The following TSBP1 variants were observed in gnomAD, a reference collection of about 807,000 sequenced individuals.
TSBP1 encodes the protein testis-expressed basic protein 1.
In TSBP1, 56 loss-of-function variants were observed where a neutral mutation model predicts 68.8. That is an observed-to-expected ratio of 0.81 (90% confidence interval 0.66 to 1.02). The LOEUF is 1.02. Ranked by LOEUF, TSBP1 falls within the 50% of genes least tolerant of loss-of-function variation. The pLI, the probability that TSBP1 is intolerant of heterozygous loss-of-function variation, is 0.00. For synonymous variants in TSBP1, 171 were observed against 208.7 expected (o/e 0.82, Z 1.56); for missense variants, 502 against 641.2 (o/e 0.78, Z 2.34).
intron 19 of TSBP1, among the ~76,000 whole-genome samples, chr6:32,303,615 TG>T (rs1765518216): frequency 6.6e-6 from 1 of 152,160 alleles, no homozygotes; most frequent in Non-Finnish European, 1.5e-5. Context: ...TAATGTACTC[TG>T]GTAATCTTTT....
At position 32,357,918 on chromosome 6, in the gene TSBP1, G is replaced by A. The variant is rs1456042233; in HGVS notation, c.218-2249C>T. 6.6e-6 allele frequency among the ~76,000 whole-genome samples: 1 copy of A among 152,130 alleles called. No individual in the cohort carries two copies. Among genetic ancestry groups the A allele is most frequent in the Non-Finnish European group, 1.5e-5 (1 of 68,028 alleles). On this transcript the variant is annotated intron_variant, in intron 6 of 22. Transcript: ENST00000612031. The surrounding 1 kb of genome is among the most constrained non-coding windows in gnomAD (Gnocchi z 4.7). ...TGGCTCACTGCACAAAGGGTTAAGG[G>A]AACTGAAATCCCCAGCAGTGTCTCT...
chr6:32,323,863 T>C, intron 16 of TSBP1: 2 of 536,030 alleles, frequency 3.7e-6, no homozygotes, highest in Non-Finnish European at 6.7e-6. Flanking sequence ...ATCTTAGCTG[T>C]ACCAGGGAAA....
intron 18 of TSBP1, among the ~76,000 whole-genome samples, chr6:32,317,133 C>T (rs9268221): frequency 6.6e-6 from 1 of 151,836 alleles, no homozygotes; most frequent in Non-Finnish European, 1.5e-5. Flanking sequence ...CAACAGAATA[C>T]AGAGCCCAGA....
At position 32,325,127 on chromosome 6, in the gene TSBP1, G is replaced by A. The variant is rs2127591990; in HGVS notation, c.515-1513C>T. 2.1e-6 allele frequency: 1 copy of A among 474,380 alleles called. No homozygotes were observed. The highest frequency in any genetic ancestry group is 3.1e-5 in the East Asian group (1 of 31,878). The allele number at this position is 474,380 out of a possible 1,614,324, so 29.4% of individuals were successfully genotyped here. ...TTATTTTTTATGCGAGTCAGTGAAT[G>A]TTCTAGAAACTTATTAATAATTTAT... On this transcript the variant is annotated intron_variant, in intron 16 of 22. Transcript: ENST00000612031. The surrounding 1 kb of genome is among the most constrained non-coding windows in gnomAD (Gnocchi z 4.4).
chr6:32,363,124 C>A (rs960760896), intron 6 of TSBP1, among the ~76,000 whole-genome samples: 1 of 151,944 alleles, frequency 6.6e-6, no homozygotes, highest in African/African-American at 2.4e-5. Context: ...ATAGTGAGCT[C>A]CTTTGTCTCT....
chr6:32,367,692 A>C (rs1022210972), intron 4 of TSBP1, among the ~76,000 whole-genome samples: 4 of 152,238 alleles, frequency 2.6e-5, no homozygotes, highest in African/African-American at 4.8e-5. Flanking sequence ...TCTTGGAAGT[A>C]GACAGAAGAT....
At chr6:32,327,654 C>CTTTCTTTCTTT (rs1768375720) in intron 16 of TSBP1, among the ~76,000 whole-genome samples, 1 of 146,994 alleles carries the variant, frequency 6.8e-6, no homozygotes, top group South Asian at 2.1e-4. Context: ...TTTTCTTTTT[C>CTTTCTTTCTTT]TTTTTTTTTT....
rs191383213 is a variant in TSBP1, at chr6:32,339,449, T to C, written c.388+151A>G. On this transcript the variant is annotated intron_variant, in intron 10 of 22. Coordinates refer to ENST00000612031, the Ensembl canonical transcript of TSBP1. Reference sequence around the variant, plus strand: ...ATCTTTATGTGCTTTCTCACCACCTTCCCCATTCCTCTGGTAGCAGGCACA... The same window carrying C: ...ATCTTTATGTGCTTTCTCACCACCTCCCCCATTCCTCTGGTAGCAGGCACA... The C allele has an allele frequency of 6.6e-4, 487 of 733,822 alleles. 1 individual carries two copies. The African/African-American group carries it at 6.8e-3, about 10-fold the overall frequency. 45.5% of individuals were successfully genotyped at this position (733,822 alleles called of 1,614,324 possible). A position where few individuals can be genotyped will look rare whatever the true frequency, so the allele number is the denominator to read the frequency against.
chr6:32,360,883 C>CT (rs35899943), intron 6 of TSBP1, among the ~76,000 whole-genome samples: 70,769 of 150,260 alleles, frequency 0.47, 17,940 homozygotes, highest in Middle Eastern at 0.59. Context: ...TTCTCTCTCT[C>CT]TTTTTTTTTA....
chr6:32,352,171 A>C (rs1771787499), intron 8 of TSBP1, among the ~76,000 whole-genome samples: 1 of 152,002 alleles, frequency 6.6e-6, no homozygotes, highest in African/African-American at 2.4e-5. Context: ...GTAGCAAATA[A>C]TGTTAAGCAA....
intron 16 of TSBP1, 64 bp downstream of exon 17, chr6:32,330,525 A>G: frequency 6.8e-7 from 1 of 1,474,956 alleles, no homozygotes; most frequent in East Asian, 2.3e-5. Context: ...GACAGGGAAC[A>G]GGCCCTCTAG....
chr6:32,352,408 T>C (rs892826849), intron 8 of TSBP1, among the ~76,000 whole-genome samples: 28 of 151,716 alleles, frequency 1.8e-4, no homozygotes, highest in Admixed American at 1.7e-3. Context: ...AATATCAGGA[T>C]ACATAAAACA....
chr6:32,311,580 T>C (rs561748966), intron 19 of TSBP1, among the ~76,000 whole-genome samples: 1 of 152,304 alleles, frequency 6.6e-6, no homozygotes, highest in South Asian at 2.1e-4. Context: ...CTTGACATGA[T>C]GGCCAAATTA....
chr6:32,358,335 G>A (rs1375372616), intron 6 of TSBP1, among the ~76,000 whole-genome samples: 1 of 152,122 alleles, frequency 6.6e-6, no homozygotes, highest in Non-Finnish European at 1.5e-5. Context: ...GACAACAGCA[G>A]TATTTCTTTG....
chr6:32,297,352 A>G (rs1764821283), intron 22 of TSBP1, among the ~76,000 whole-genome samples: 1 of 152,236 alleles, frequency 6.6e-6, no homozygotes, highest in Non-Finnish European at 1.5e-5. Flanking sequence ...TCATCATAAT[A>G]TATTCAAGCT....
At position 32,293,284 on chromosome 6, in the gene TSBP1, C is replaced by T. The variant is rs1347458626; in HGVS notation, c.1389G>A (p.Val463=). The T allele has an allele frequency of 3.7e-6, 6 of 1,611,224 alleles. No individual in the cohort carries two copies. In the Admixed American group the frequency reaches 6.7e-5, roughly 18 times the overall value. ...GGGATTCCAGTGTTTCTGGTACACT[C>T]ACCTCAGTGTTCTTTACTTGGGATT... The change falls in exon 23 of 23, where the codon GTG becomes GTA. Residue 463 remains valine, a synonymous_variant. Coordinates refer to ENST00000612031, the Ensembl canonical transcript of TSBP1.
chr6:32,332,918 T>C (rs1208569769), intron 14 of TSBP1, among the ~76,000 whole-genome samples: 1 of 152,078 alleles, frequency 6.6e-6, no homozygotes, highest in African/African-American at 2.4e-5. Context: ...GCCAAAACCT[T>C]CAGTTTTTAA....
Position 32,368,802 on chromosome 6 carries a change from GA to G in TSBP1, c.112del (p.Ser38ProfsTer49), listed in dbSNP as rs1180587541. 1 of 1,588,324 alleles carries G rather than the reference GA, an allele frequency of 6.3e-7. No homozygotes were observed. Among genetic ancestry groups the G allele is most frequent in the African/African-American group, 1.3e-5 (1 of 74,656 alleles). ...CTTACTTTGTTCTGAACTGTATCTG[GA>G]GATATACATTTCTGTGGAAGAATTA... is the stretch of plus-strand genomic sequence containing the variant. On this transcript the variant is annotated frameshift_variant, in exon 3 of 23. Coordinates refer to ENST00000612031, the Ensembl canonical transcript of TSBP1. LOFTEE classifies it high-confidence loss of function.
exon 10 of TSBP1, chr6:32,339,602 G>T: frequency 7.8e-7 from 1 of 1,282,972 alleles, no homozygotes; most frequent in Non-Finnish European, 1.1e-6. Flanking sequence ...AAACTTACAA[G>T]GAGGTTCTTC....
Sources: allele counts gnomAD v4.1 joint callset (sites outside exome capture counted in the v4.1 genomes callset), GRCh38; gene constraint gnomAD v4.1.1; non-coding constraint Gnocchi (gnomAD v3.1); transcripts MANE v1.5; gene names NCBI Gene and HGNC (gene_info 2026-07-23, HGNC 2026-07-21).